The following RBM20 variants were observed in gnomAD, a reference collection of about 807,000 sequenced individuals.
RBM20 encodes RNA binding motif protein 20, also known as RNA-binding protein 20.
Under a neutral mutation model 110.1 loss-of-function variants are expected in RBM20, and 51 were observed. That is an observed-to-expected ratio of 0.46 (90% CI 0.37 to 0.59). RBM20 has a LOEUF of 0.59. RBM20 is among the 20% of genes least tolerant of loss of function. The probability of loss-of-function intolerance (pLI) is 0.00; values close to 1 mark genes in which losing one functional copy is unlikely to be tolerated. For synonymous variants in RBM20, 589 were observed against 618.2 expected, an observed-to-expected ratio of 0.95 and a Z score of 0.70; for missense variants, 1,512 against 1,574.9, an observed-to-expected ratio of 0.96 and a Z score of 0.68.
intron 1 of RBM20, among the ~76,000 whole-genome samples, chr10:110,689,360 A>C (rs1395823502): frequency 6.6e-6 from 1 of 152,222 alleles, no homozygotes; most frequent in Non-Finnish European, 1.5e-5. Flanking sequence ...CAGACATAGC[A>C]AGTAAACACA....
chr10:110,668,186 TTACTGACG>T (rs1170320943), intron 1 of RBM20, among the ~76,000 whole-genome samples: 1 of 152,104 alleles, frequency 6.6e-6, no homozygotes, highest in Non-Finnish European at 1.5e-5. Context: ...CCTAACTCAA[TTACTGACG>T]TATGCCAAGC....
intron 1 of RBM20, among the ~76,000 whole-genome samples, chr10:110,660,967 T>A (rs1307599373): frequency 1.3e-5 from 2 of 152,128 alleles, no homozygotes; most frequent in African/African-American, 4.8e-5. Context: ...ATGTTCTTAC[T>A]GTCTATTATG....
intron 1 of RBM20, among the ~76,000 whole-genome samples, chr10:110,696,322 C>CT (rs772479303): frequency 6.2e-4 from 95 of 152,212 alleles, no homozygotes; most frequent in Middle Eastern, 3.4e-3. Context: ...AGTCCCCTGG[C>CT]TTTTTTTTCT....
chr10:110,823,741 A>C, intron 12 of RBM20, 127 bp downstream of exon 12: 2 of 997,240 alleles, frequency 2.0e-6, no homozygotes, highest in Non-Finnish European at 3.0e-6. Context: ...CTTTTGAGAC[A>C]AGGTCTCACT....
At chr10:110,827,281 T>C (rs1423985702) in intron 12 of RBM20, among the ~76,000 whole-genome samples, 2 of 151,992 alleles carry the variant, frequency 1.3e-5, no homozygotes, top group Non-Finnish European at 2.9e-5. Flanking sequence ...CTTGGGAGGC[T>C]GAGGGAGGAG....
rs993602871 is a variant in RBM20 at position 110,739,484 on chromosome 10, C to T, written c.192-41317C>T. Among the ~76,000 whole-genome samples, 2 of 152,132 alleles carry T rather than the reference C, an allele frequency of 1.3e-5. No individual in the cohort carries two copies. Among genetic ancestry groups the T allele is most frequent in the Non-Finnish European group, 1.5e-5 (1 of 68,026 alleles). ...TTTGATGAGCTGCCGGATCTCTTGA[C>T]CCCTCAGAGAATTTTACATTAGGGA... is the stretch of plus-strand genomic sequence containing the variant. On this transcript the variant is annotated intron_variant, in intron 1 of 13. Coordinates refer to ENST00000369519, the MANE Select transcript of RBM20 (RefSeq NM_001134363.3). The surrounding 1 kb of genome is among the most constrained non-coding windows in gnomAD (Gnocchi z 4.1).
intron 1 of RBM20, among the ~76,000 whole-genome samples, chr10:110,655,965 A>G (rs1862021046): frequency 6.6e-6 from 1 of 151,970 alleles, no homozygotes; most frequent in Admixed American, 6.6e-5. Context: ...TGTTTAAAGC[A>G]TCCATCAGGA....
intron 1 of RBM20, among the ~76,000 whole-genome samples, chr10:110,772,960 T>A (rs1297930911): frequency 6.6e-6 from 1 of 152,172 alleles, no homozygotes; most frequent in Non-Finnish European, 1.5e-5. Flanking sequence ...GATCCTTTCA[T>A]CCAGCTTTCT....
intron 10 of RBM20, among the ~76,000 whole-genome samples, chr10:110,820,930 C>A (rs931126520): frequency 6.6e-6 from 1 of 152,266 alleles, no homozygotes; most frequent in Non-Finnish European, 1.5e-5. Context: ...TTAGTGATGA[C>A]CCAGATGCAA....
At chr10:110,644,280 G>C (rs973672992), upstream of RBM20, 1 of 427,152 alleles carries the variant, frequency 2.3e-6, no homozygotes, top group Non-Finnish European at 4.0e-6. The surrounding 1 kb of genome is among the most constrained non-coding windows in gnomAD (Gnocchi z 4.3). Context: ...CTGGAGCAGC[G>C]GGAGGAGGCG....
intron 1 of RBM20, among the ~76,000 whole-genome samples, chr10:110,701,856 T>C (rs1329409287): frequency 1.3e-5 from 2 of 152,176 alleles, no homozygotes; most frequent in Non-Finnish European, 2.9e-5. Flanking sequence ...CCAGGATCTG[T>C]AAGAGCCTGT....
Position 110,781,045 on chromosome 10 carries a change from C to T in RBM20, c.436C>T (p.Pro146Ser), listed in dbSNP as rs1844333249. The T allele has an allele frequency of 5.8e-6, 9 of 1,551,792 alleles. No homozygotes were observed. The highest frequency in any genetic ancestry group is 7.0e-6 in the Non-Finnish European group (8 of 1,147,048). Residue 146 changes from proline to serine, a missense_variant, in exon 2 of 14, where the codon CCC (proline) becomes TCC (serine). This residue lies in a region of RBM20 where 1,149 missense variants were observed against 1,169.4 expected (regional missense o/e 0.98). Coordinates refer to ENST00000369519, the MANE Select transcript of RBM20 (RefSeq NM_001134363.3). Reference protein sequence around the residue: ...QLRHPSVITGPHGHAGVPQHA... With the variant: ...QLRHPSVITGSHGHAGVPQHA... ...GAGGCATCCGTCTGTGATCACTGGCCCCCACGGCCATGCTGGGGTTCCCCA... is the reference window on the plus strand; with the variant it reads ...GAGGCATCCGTCTGTGATCACTGGCTCCCACGGCCATGCTGGGGTTCCCCA...
chr10:110,835,888 C>A lies in RBM20; in HGVS notation c.3594C>A (p.Ala1198=). ...CACAGAAATATTTGTCCCAGCTGGC[C>A]GAGGAGGGCCTCAAGGAGACCGAGG... is the stretch of plus-strand genomic sequence containing the variant. The part of the protein sequence containing the change: ...RNLQKYLSQL[A]EEGLKETEGA... Residue 1198 remains alanine, a synonymous_variant, in exon 14 of 14, where the codon GCC becomes GCA. Transcript: ENST00000369519. The A allele has an allele frequency of 1.3e-6, 2 of 1,550,080 alleles. No homozygotes were observed. The highest frequency in any genetic ancestry group is 1.7e-6 in the Non-Finnish European group (2 of 1,145,814).
chr10:110,644,433 T>C lies in RBM20; in HGVS notation c.-22T>C. 6.9e-7 allele frequency: 1 copy of C among 1,456,862 alleles called. No homozygotes were observed. Among genetic ancestry groups the C allele is most frequent in the Non-Finnish European group, 9.0e-7 (1 of 1,109,228 alleles). 90.2% of individuals were successfully genotyped at this position (1,456,862 alleles called of 1,614,324 possible). ...CCTCCCTTGAGCTCTCTCGCCGCGATCCCGGGCGGGTCTCGCCCCGCATGG... is the reference window on the plus strand; with the variant it reads ...CCTCCCTTGAGCTCTCTCGCCGCGACCCCGGGCGGGTCTCGCCCCGCATGG... On this transcript the variant is annotated 5_prime_UTR_variant, in exon 1 of 14. Coordinates refer to ENST00000369519, the MANE Select transcript of RBM20 (RefSeq NM_001134363.3). This position sits in a 1 kb window ranked among gnomAD's most constrained non-coding sequence, Gnocchi z 4.3.
chr10:110,778,525 G>A (rs1445310210), intron 1 of RBM20, among the ~76,000 whole-genome samples: 1 of 152,156 alleles, frequency 6.6e-6, no homozygotes, highest in Admixed American at 6.5e-5. Flanking sequence ...TTACTGTACA[G>A]AACCTGTGAC....
chr10:110,759,112 T>C (rs1341367292), intron 1 of RBM20, among the ~76,000 whole-genome samples: 4 of 152,266 alleles, frequency 2.6e-5, no homozygotes, highest in African/African-American at 7.2e-5. Context: ...CCTCTGCTAA[T>C]GGCTGTGGCC....
In RBM20 at chr10:110,823,594, G is replaced by A. The variant is rs1353732061; in HGVS notation, c.3431G>A (p.Ser1144Asn). ...LPSWEPEDVF[S>N]ELSIPLGVEF... ...TCTTGGGAACCAGAGGATGTGTTCA[G>A]TGAACTTAGCATTCCTCTAGGTAAG... is the stretch of plus-strand genomic sequence containing the variant. The change falls in exon 12 of 14, where the codon AGT (serine) becomes AAT (asparagine). Residue 1144 changes from serine (S) to asparagine (N), a missense_variant. Physicochemically the swap from Ser to Asn is conservative, Grantham distance 46 (BLOSUM62 1). This residue lies in a region of RBM20 where 358 missense variants were observed against 384.2 expected (regional missense o/e 0.93). Coordinates refer to ENST00000369519, the MANE Select transcript of RBM20 (RefSeq NM_001134363.3). 6.4e-7 allele frequency: 1 copy of A among 1,551,624 alleles called. No homozygotes were observed. Among genetic ancestry groups the A allele is most frequent in the African/African-American group, 1.4e-5 (1 of 73,134 alleles).
chr10:110,651,818 C>A (rs1372419848), intron 1 of RBM20, among the ~76,000 whole-genome samples: 1 of 152,200 alleles, frequency 6.6e-6, no homozygotes, highest in African/African-American at 2.4e-5. Context: ...CTCACTGAAT[C>A]AGGAGACCGA....
In RBM20 at chr10:110,728,354, ACT is replaced by A. The variant is rs372479234; in HGVS notation, c.192-52444_192-52443del. Among the ~76,000 whole-genome samples, 796 of 151,820 alleles carry A rather than the reference ACT, an allele frequency of 5.2e-3. 8 individuals are homozygous for A. Among genetic ancestry groups the A allele is most frequent in the African/African-American group, 0.018 (753 of 41,364 alleles). On this transcript the variant is annotated intron_variant, in intron 1 of 13. Coordinates refer to ENST00000369519, the MANE Select transcript of RBM20 (RefSeq NM_001134363.3). ...ACTATCTGGGTAGCCCAAGGTCCCC[ACT>A]CTTCTCAGGCAGTACAATCTAAGGG...
Sources: gnomAD v4.1 joint callset for allele counts (sites outside exome capture counted in the v4.1 genomes callset) on GRCh38, gnomAD v4.1.1 for gene constraint, gnomAD v4.1.1 regional missense constraint, Gnocchi (gnomAD v3.1) non-coding constraint, MANE v1.5 for transcripts, NCBI Gene and HGNC (gene_info 2026-07-23, HGNC 2026-07-21) for gene names.